The following CSMD1 variants were observed in gnomAD, a reference collection of about 807,000 sequenced individuals.
CSMD1 encodes the protein CUB and Sushi multiple domains 1.
In CSMD1, 213 loss-of-function variants were observed where a neutral mutation model predicts 417.5. That is an observed-to-expected ratio of 0.51 (90% confidence interval 0.46 to 0.57). The LOEUF (loss-of-function observed/expected upper bound fraction) is 0.57, where lower values mean the gene tolerates loss of function less well. Among genes scored for constraint, CSMD1 ranks in the 20% least tolerant of loss-of-function variants. CSMD1 has a pLI of 0.00. For missense variants in CSMD1, 6,923 were observed against 4,529.7 expected (o/e 1.53, Z -15.17); for synonymous variants, 2,862 against 1,736.8 (o/e 1.65, Z -16.11).
At chr8:3,894,531 T>C (rs1007746913) in intron 5 of CSMD1, among the ~76,000 whole-genome samples, 4 of 152,162 alleles carry the variant, frequency 2.6e-5, no homozygotes, top group East Asian at 1.9e-4. Context: ...AATAATCCTA[T>C]GATAGATTCC....
chr8:3,185,016 T>C lies in CSMD1; in HGVS notation c.5620+2853A>G, dbSNP rs529472159. 3.9e-4 allele frequency among the ~76,000 whole-genome samples: 59 copies of C among 152,314 alleles called. 1 individual carries two copies. The South Asian group carries it at 6.6e-3, about 17-fold the overall frequency. On this transcript the variant is annotated intron_variant, in intron 36 of 69. Transcript: ENST00000635120. The stretch of plus-strand genomic sequence containing the variant: ...CTCCTTTATAATATAGTCTTAATCA[T>C]ATGTATAAGTCCATTGCTTTCTCAA...
At chr8:4,891,600 T>A (rs1563689101) in intron 1 of CSMD1, among the ~76,000 whole-genome samples, 1 of 152,140 alleles carries the variant, frequency 6.6e-6, no homozygotes. Context: ...AGGAAATGTC[T>A]TAAGCACATA....
chr8:4,080,037 G>C (rs1543906), intron 3 of CSMD1, among the ~76,000 whole-genome samples: 147,167 of 151,168 alleles, frequency 0.97, 71,661 homozygotes, highest in East Asian at 1. Flanking sequence ...AAAGGGTGGT[G>C]AGTGGCCCAG....
chr8:3,776,705 T>C (rs1274160840), intron 5 of CSMD1, among the ~76,000 whole-genome samples: 11 of 151,812 alleles, frequency 7.2e-5, no homozygotes, highest in Admixed American at 7.2e-4. Flanking sequence ...GATGGCTACC[T>C]GGAGAGATGA....
intron 4 of CSMD1, among the ~76,000 whole-genome samples, chr8:4,009,438 C>T (rs756052980): frequency 6.6e-5 from 10 of 152,066 alleles, no homozygotes; most frequent in East Asian, 1.9e-4. Context: ...TATTCAACAG[C>T]GGATACATCA....
chr8:3,476,972 C>A (rs77577898), intron 11 of CSMD1, among the ~76,000 whole-genome samples: 21,289 of 150,746 alleles, frequency 0.14, 1,517 homozygotes, highest in East Asian at 0.22. Flanking sequence ...GTTGGGGGAG[C>A]CTGTCAACAC....
intron 1 of CSMD1, chr8:4,788,139 G>A: frequency 1.2e-6 from 2 of 1,601,918 alleles, no homozygotes; most frequent in South Asian, 1.1e-5. Flanking sequence ...CTCTACTTCT[G>A]ATCTTGGTCA....
At chr8:3,615,719 G>C (rs537335135) in intron 8 of CSMD1, among the ~76,000 whole-genome samples, 3 of 151,960 alleles carry the variant, frequency 2.0e-5, no homozygotes, top group African/African-American at 7.3e-5. Flanking sequence ...TCTTCCATTT[G>C]TAGCCCACTT....
chr8:3,230,109 G>C lies in CSMD1; in HGVS notation c.4276C>G (p.Gln1426Glu), dbSNP rs1163268400. 14 of 1,613,498 alleles carry C rather than the reference G, an allele frequency of 8.7e-6. No individual in the cohort carries two copies. Among genetic ancestry groups the C allele is most frequent in the African/African-American group, 1.3e-5 (1 of 74,904 alleles). The change falls in exon 27 of 70, where the codon CAA (glutamine) becomes GAA (glutamate). Residue 1426 changes from glutamine to glutamate, a missense_variant. Gln to Glu is a conservative substitution (Grantham distance 29, BLOSUM62 2). Transcript: ENST00000635120. ...QCDPGYQLQG[Q>E]AKITCVQLNN... is the part of the protein sequence containing the mutation. ...AGCTGCACACAGGTGATTTTGGCTT[G>C]TCCTTGGAGCTGATAGCCAGGGTCA...
intron 1 of CSMD1, among the ~76,000 whole-genome samples, chr8:4,775,574 G>C (rs935985681): frequency 2.6e-5 from 4 of 152,100 alleles, no homozygotes; most frequent in African/African-American, 9.7e-5. Flanking sequence ...ATGAAAGACA[G>C]AATAAAAAAG....
intron 3 of CSMD1, among the ~76,000 whole-genome samples, chr8:4,073,508 G>A (rs1020983429): frequency 6.6e-6 from 1 of 152,106 alleles, no homozygotes; most frequent in African/African-American, 2.4e-5. Flanking sequence ...TATTCTTTCA[G>A]AGGACCTGGG....
chr8:3,307,959 A>T lies in CSMD1; in HGVS notation c.3824-138T>A. 1.5e-5 allele frequency: 14 copies of T among 956,008 alleles called. No individual in the cohort carries two copies. In the South Asian group the frequency reaches 2.0e-4, roughly 14 times the overall value. The allele number at this position is 956,008 out of a possible 1,614,324, so 59.2% of individuals were successfully genotyped here. On this transcript the variant is annotated intron_variant, in intron 24 of 69. Coordinates refer to ENST00000635120, the MANE Select transcript of CSMD1 (RefSeq NM_033225.6). Reference sequence around the variant, plus strand: ...GAATCACCATCATCTCTCTCTCCTGACCGTTTCAATATTTCTTCCAAATCA... The same window carrying T: ...GAATCACCATCATCTCTCTCTCCTGTCCGTTTCAATATTTCTTCCAAATCA...
chr8:4,388,818 G>A (rs969124955), intron 3 of CSMD1, among the ~76,000 whole-genome samples: 5 of 152,200 alleles, frequency 3.3e-5, no homozygotes, highest in African/African-American at 4.8e-5. Context: ...ACCCAGCACT[G>A]AATAATCCTG....
chr8:4,747,853 T>C lies in CSMD1; in HGVS notation c.86-110295A>G, dbSNP rs146505250. ...TCTCTATTCATCAACTGTTCAGGTC[T>C]CTTTTCTGTCATAACACGCACCAGG... On this transcript the variant is annotated intron_variant, in intron 1 of 69. Transcript: ENST00000635120. Among the ~76,000 whole-genome samples, 4 of 152,384 alleles carry C rather than the reference T, an allele frequency of 2.6e-5. No homozygotes were observed. In the East Asian group the frequency reaches 7.7e-4, roughly 29 times the overall value.
chr8:3,762,074 T>C (rs1323311213), intron 5 of CSMD1, among the ~76,000 whole-genome samples: 1 of 152,130 alleles, frequency 6.6e-6, no homozygotes, highest in African/African-American at 2.4e-5. Flanking sequence ...AAAAATAATT[T>C]CTAGTCTCCT....
intron 7 of CSMD1, among the ~76,000 whole-genome samples, chr8:3,674,147 A>C (rs1256659813): frequency 6.6e-6 from 1 of 152,188 alleles, no homozygotes; most frequent in Non-Finnish European, 1.5e-5. Context: ...CCATTTGTCA[A>C]TGTTGAGCAA....
chr8:4,042,149 A>G (rs1157943579), intron 3 of CSMD1, among the ~76,000 whole-genome samples: 1 of 152,212 alleles, frequency 6.6e-6, no homozygotes, highest in Admixed American at 6.5e-5. Context: ...TTCAAAATTT[A>G]CTAAAACAGT....
At chr8:4,255,734 G>C (rs758497256) in intron 3 of CSMD1, among the ~76,000 whole-genome samples, 1 of 152,182 alleles carries the variant, frequency 6.6e-6, no homozygotes, top group Non-Finnish European at 1.5e-5. Flanking sequence ...CAAAATCTAA[G>C]CATAGACTTA....
chr8:3,767,247 T>C (rs1449084681), intron 5 of CSMD1, among the ~76,000 whole-genome samples: 1 of 152,228 alleles, frequency 6.6e-6, no homozygotes, highest in Admixed American at 6.5e-5. Flanking sequence ...CAGCTCAGGC[T>C]CTTTTATGAA....
Sources: gnomAD v4.1 joint callset for allele counts (sites outside exome capture counted in the v4.1 genomes callset) on GRCh38, gnomAD v4.1.1 for gene constraint, MANE v1.5 for transcripts, NCBI Gene and HGNC (gene_info 2026-07-23, HGNC 2026-07-21) for gene names.